TLL1: variants seen among roughly 807,000 people sequenced by gnomAD.
TLL1 encodes tolloid like 1, also known as tolloid-like protein 1.
TLL1 carries 49 observed loss-of-function variants against 128.2 expected under a neutral mutation model. The ratio of observed to expected loss-of-function variants is 0.38; its 90% CI spans 0.30 to 0.48. The LOEUF (loss-of-function observed/expected upper bound fraction) is 0.48, where lower values mean the gene tolerates loss of function less well. Among genes scored for constraint, TLL1 ranks in the 20% least tolerant of loss-of-function variants. The probability of loss-of-function intolerance (pLI) is 0.96; values close to 1 mark genes in which losing one functional copy is unlikely to be tolerated. For missense variants in TLL1, 1,123 were observed against 1,242.0 expected (o/e 0.90, Z 1.44); for synonymous variants, 454 against 418.8 (o/e 1.08, Z -1.03).
intron 7 of TLL1, among the ~76,000 whole-genome samples, chr4:166,010,684 A>G (rs1234943617): frequency 6.6e-6 from 1 of 150,996 alleles, no homozygotes; most frequent in Non-Finnish European, 1.5e-5. Context: ...GGTTTTATTG[A>G]CTGTGCTTTC....
intron 4 of TLL1, 32 bp downstream of exon 4, chr4:165,994,565 A>G: frequency 6.2e-7 from 1 of 1,610,876 alleles, no homozygotes; most frequent in Non-Finnish European, 8.5e-7. Flanking sequence ...TGTTTTCATA[A>G]AGAAATAAAA....
At chr4:166,075,491 A>C (rs1740980659) in intron 17 of TLL1, among the ~76,000 whole-genome samples, 1 of 152,208 alleles carries the variant, frequency 6.6e-6, no homozygotes, top group Admixed American at 6.5e-5. Flanking sequence ...TGTCATTTAA[A>C]GTTTTAAGTC....
chr4:165,893,961 G>T (rs1450735253), intron 1 of TLL1, among the ~76,000 whole-genome samples: 1 of 152,096 alleles, frequency 6.6e-6, no homozygotes, highest in African/African-American at 2.4e-5. Context: ...AATCATTGTT[G>T]TCTTGCACCC....
intron 1 of TLL1, among the ~76,000 whole-genome samples, chr4:165,944,151 T>C (rs769655607): frequency 1.3e-5 from 2 of 152,198 alleles, no homozygotes; most frequent in Non-Finnish European, 2.9e-5. Context: ...TGTACTGTAT[T>C]AAAGTTATTT....
At chr4:166,051,945 A>G (rs923135901) in intron 12 of TLL1, among the ~76,000 whole-genome samples, 2 of 152,182 alleles carry the variant, frequency 1.3e-5, no homozygotes. Flanking sequence ...TACCTGTGAA[A>G]TATTTACTCT....
intron 1 of TLL1, among the ~76,000 whole-genome samples, chr4:165,903,595 TA>T (rs1561018003): frequency 6.6e-6 from 1 of 151,572 alleles, no homozygotes; most frequent in African/African-American, 2.4e-5. Flanking sequence ...GTATTTTTAG[TA>T]GAGACGGGGT....
In TLL1 at chr4:165,873,891, T is replaced by A; in HGVS notation, c.-14T>A. 6.2e-7 allele frequency: 1 copy of A among 1,613,290 alleles called. No homozygotes were observed. Among genetic ancestry groups the A allele is most frequent in the Non-Finnish European group, 8.5e-7 (1 of 1,179,922 alleles). ...TCTGGGTCCCGTCCCCTCCTTTTCC[T>A]CCGGGGGAGGAGGATGGGGTTGGGA... On this transcript the variant is annotated 5_prime_UTR_variant, in exon 1 of 21. Transcript: ENST00000061240.
At chr4:166,065,626 A>T in intron 15 of TLL1, 57 bp from the exon 16 acceptor site, 1 of 1,554,784 alleles carries the variant, frequency 6.4e-7, no homozygotes, top group Non-Finnish European at 8.9e-7. Flanking sequence ...TTTTAAGATA[A>T]ATGTCAATCA....
intron 1 of TLL1, among the ~76,000 whole-genome samples, chr4:165,980,225 A>C (rs1736093733): frequency 6.6e-6 from 1 of 151,992 alleles, no homozygotes; most frequent in Admixed American, 6.6e-5. Context: ...TCTTACTGTG[A>C]GCTGGCACTT....
intron 16 of TLL1, among the ~76,000 whole-genome samples, chr4:166,074,006 G>A (rs1036155388): frequency 2.0e-5 from 3 of 152,070 alleles, no homozygotes; most frequent in African/African-American, 7.2e-5. Context: ...CAGTTTTGAC[G>A]TTAATGGACA....
chr4:165,963,337 C>CA (rs572593482), intron 1 of TLL1, among the ~76,000 whole-genome samples: 125 of 151,882 alleles, frequency 8.2e-4, no homozygotes, highest in African/African-American at 2.7e-3. Context: ...AAAAGTTGAA[C>CA]AAAAAAAGAA....
At chr4:165,913,343 C>A (rs1253031667) in intron 1 of TLL1, among the ~76,000 whole-genome samples, 1 of 152,128 alleles carries the variant, frequency 6.6e-6, no homozygotes, top group African/African-American at 2.4e-5. Context: ...AAGGCCTTCT[C>A]AGAGCTGAGT....
At chr4:165,924,229 G>A (rs183102783) in intron 1 of TLL1, among the ~76,000 whole-genome samples, 19 of 152,258 alleles carry the variant, frequency 1.2e-4, no homozygotes, top group African/African-American at 4.6e-4. Context: ...GCTGACTGAG[G>A]ATAGTATGTC....
chr4:165,906,543 C>A (rs1275405327), intron 1 of TLL1, among the ~76,000 whole-genome samples: 1 of 152,060 alleles, frequency 6.6e-6, no homozygotes, highest in Non-Finnish European at 1.5e-5. Flanking sequence ...GAAATACAAA[C>A]TATTTTAATA....
chr4:166,076,633 C>T (rs1741044059), intron 17 of TLL1, among the ~76,000 whole-genome samples: 1 of 152,096 alleles, frequency 6.6e-6, no homozygotes. Flanking sequence ...TAGCAATGAG[C>T]CTCTCAACCT....
At position 165,998,364 on chromosome 4, in the gene TLL1, T is replaced by A. The variant is rs28498190; in HGVS notation, c.632+3186T>A. 9.6e-3 allele frequency among the ~76,000 whole-genome samples: 1,466 copies of A among 152,286 alleles called. 28 individuals carry two copies. Among genetic ancestry groups the A allele is most frequent in the African/African-American group, 0.033 (1,385 of 41,550 alleles). Reference sequence around the variant, plus strand: ...TTTTGTGGAACAATCTTACTTTTTTTAATCTACTTATCTTTAATGATTGCC... The same window carrying A: ...TTTTGTGGAACAATCTTACTTTTTTAAATCTACTTATCTTTAATGATTGCC... On this transcript the variant is annotated intron_variant, in intron 5 of 20. Transcript: ENST00000061240.
At position 166,074,913 on chromosome 4, in the gene TLL1, C is replaced by T; in HGVS notation, c.2224C>T (p.Gln742Ter). 2 of 1,613,562 alleles carry T rather than the reference C, an allele frequency of 1.2e-6. No individual in the cohort carries two copies. The highest frequency in any genetic ancestry group is 1.7e-6 in the Non-Finnish European group (2 of 1,179,650). The change falls in exon 17 of 21, where the codon CAG becomes TAG. Residue 742 changes from glutamine (Q) to a stop codon, truncating the protein, a stop_gained. Transcript: ENST00000061240. LOFTEE classifies it high-confidence loss of function. Reference sequence around the variant, plus strand: ...ATGCTCTAAGGATAATGGTGGATGTCAGCACGAATGTGTCAACACGATGGG... The same window carrying T: ...ATGCTCTAAGGATAATGGTGGATGTTAGCACGAATGTGTCAACACGATGGG... ...DECSKDNGGC[Q>*]HECVNTMGSY...
At chr4:166,041,360 G>A (rs971666937) in intron 10 of TLL1, among the ~76,000 whole-genome samples, 1 of 150,268 alleles carries the variant, frequency 6.7e-6, no homozygotes, top group African/African-American at 2.5e-5. Context: ...GAGTGCAGTG[G>A]TGCCATCTCG....
intron 9 of TLL1, among the ~76,000 whole-genome samples, chr4:166,031,803 G>A (rs140809571): frequency 3.3e-5 from 5 of 152,138 alleles, no homozygotes; most frequent in African/African-American, 9.6e-5. Flanking sequence ...AGAATTCAAC[G>A]TATAATGATA....
Sources: allele counts gnomAD v4.1 joint callset (sites outside exome capture counted in the v4.1 genomes callset), GRCh38; gene constraint gnomAD v4.1.1; transcripts MANE v1.5; gene names NCBI Gene and HGNC (gene_info 2026-07-23, HGNC 2026-07-21).